SLC4A2: variants seen among roughly 807,000 people sequenced by gnomAD.
SLC4A2 encodes the protein anion exchange protein 2.
SLC4A2 carries 36 observed loss-of-function variants against 115.0 expected under a neutral mutation model. The observed-to-expected ratio is 0.31, with a 90% CI of 0.24 to 0.41. The LOEUF (loss-of-function observed/expected upper bound fraction) is 0.41. Ranked by LOEUF, SLC4A2 falls within the 10% of genes least tolerant of loss-of-function variation. The pLI, the probability that SLC4A2 is intolerant of heterozygous loss-of-function variation, is 1.00. For synonymous variants in SLC4A2, 708 were observed against 708.3 expected (o/e 1.00, Z 0.01); for missense variants, 1,252 against 1,705.6 (o/e 0.73, Z 4.68).
Position 151,071,553 on chromosome 7 carries a change from C to A in SLC4A2, c.2139C>A (p.Ile713=), listed in dbSNP as rs1030369314. ...ALDPQCLAAV[I]FIYFAALSPA... ...ACCCTCAGTGCCTGGCCGCAGTCAT[C>A]TTCATCTACTTTGCCGCCCTGTCTC... is the stretch of plus-strand genomic sequence containing the variant. Residue 713 remains isoleucine (I), a synonymous_variant, in exon 14 of 23, where the codon ATC becomes ATA. Coordinates refer to ENST00000413384, the MANE Select transcript of SLC4A2 (RefSeq NM_003040.4). The surrounding 1 kb of genome is among the most constrained non-coding windows in gnomAD (Gnocchi z 5.5). 6.2e-7 allele frequency: 1 copy of A among 1,614,062 alleles called. No homozygotes were observed. Among genetic ancestry groups the A allele is most frequent in the African/African-American group, 1.3e-5 (1 of 75,030 alleles).
At chr7:151,067,077 T>A (rs1380504774) in intron 7 of SLC4A2, 84 bp downstream of exon 7, 1 of 1,378,618 alleles carries the variant, frequency 7.3e-7, no homozygotes, top group Non-Finnish European at 9.9e-7. Flanking sequence ...ATCTCAAGCC[T>A]CAGGGTTGCC....
chr7:151,064,784 C>T lies in SLC4A2; in HGVS notation c.459+17C>T. ...TCGGTGCAGGTGCGCTGGGTGCGGG[C>T]TCCTAGGGCATGTCGGCAGGGCCCT... On this transcript the variant is annotated intron_variant, in intron 4 of 22. Transcript: ENST00000413384. 1 of 1,608,028 alleles carries T rather than the reference C, an allele frequency of 6.2e-7. No individual in the cohort carries two copies. The highest frequency in any genetic ancestry group is 8.5e-7 in the Non-Finnish European group (1 of 1,175,652).
intron 7 of SLC4A2, 111 bp from the exon 8 acceptor site, chr7:151,067,763 C>T (rs1413151129): frequency 2.4e-6 from 2 of 845,046 alleles, no homozygotes; most frequent in South Asian, 3.2e-5. Context: ...ACCCACTGTG[C>T]TCGTGCTCTC....
At position 151,070,877 on chromosome 7, in the gene SLC4A2, T is replaced by A. The variant is rs775644358; in HGVS notation, c.1715T>A (p.Ile572Asn). Reference sequence around the variant, plus strand: ...AGTGCCAACATGGACTACCACGAGATCGGCCGCTCCATCTCCACCCTCATG... The same window carrying A: ...AGTGCCAACATGGACTACCACGAGAACGGCCGCTCCATCTCCACCCTCATG... ...PSSANMDYHE[I>N]GRSISTLMSD... The change falls in exon 12 of 23, where the codon ATC becomes AAC. Residue 572 changes from isoleucine (I) to asparagine (N), a missense_variant. By Grantham distance (149) the Ile-to-Asn change is moderately radical. Coordinates refer to ENST00000413384, the MANE Select transcript of SLC4A2 (RefSeq NM_003040.4). The A allele has an allele frequency of 6.2e-7, 1 of 1,613,338 alleles. No homozygotes were observed. The highest frequency in any genetic ancestry group is 2.2e-5 in the East Asian group (1 of 44,862).
chr7:151,067,511 TGTG>T (rs1032064953), intron 7 of SLC4A2, among the ~76,000 whole-genome samples: 2 of 152,226 alleles, frequency 1.3e-5, no homozygotes, highest in Non-Finnish European at 2.9e-5. Context: ...ATTTGAGTAT[TGTG>T]GTTATAATTC....
chr7:151,061,838 A>G, intron 1 of SLC4A2, 87 bp from the exon 2 acceptor site: 2 of 668,886 alleles, frequency 3.0e-6, no homozygotes, highest in Non-Finnish European at 5.3e-6. Flanking sequence ...TTCATACTCC[A>G]GGAGGATCCC....
intron 2 of SLC4A2, among the ~76,000 whole-genome samples, chr7:151,063,973 C>T (rs941890964): frequency 2.6e-5 from 4 of 152,100 alleles, no homozygotes; most frequent in Admixed American, 6.5e-5. Context: ...CAGCAATCCA[C>T]CCACCTCAGC....
chr7:151,061,896 G>A (rs1363589257), intron 1 of SLC4A2, 29 bp from the exon 2 acceptor site: 2 of 1,224,666 alleles, frequency 1.6e-6, no homozygotes, highest in Non-Finnish European at 2.3e-6. Context: ...CAGGGCTCTC[G>A]ATGGTGATCA....
At position 151,071,006 on chromosome 7, in the gene SLC4A2, A is replaced by G; in HGVS notation, c.1750-66A>G. On this transcript the variant is annotated intron_variant, in intron 12 of 22. Transcript: ENST00000413384. The surrounding 1 kb of genome is among the most constrained non-coding windows in gnomAD (Gnocchi z 5.5). ...TGCCTCCCACCCACTGGCCTTGCCC[A>G]CCCTCAGCTCCAGGCCCTCAGCCCT... 6.3e-7 allele frequency: 1 copy of G among 1,589,354 alleles called. No individual in the cohort carries two copies. The highest frequency in any genetic ancestry group is 1.1e-5 in the South Asian group (1 of 89,352).
intron 5 of SLC4A2, 30 bp downstream of exon 5, chr7:151,064,996 A>C: frequency 7.4e-7 from 1 of 1,348,930 alleles, no homozygotes; most frequent in Non-Finnish European, 1.1e-6. Flanking sequence ...CAGTGTCCCC[A>C]ACAGACACTT....
At chr7:151,066,105 G>A (rs935854285) in intron 5 of SLC4A2, among the ~76,000 whole-genome samples, 2 of 152,174 alleles carry the variant, frequency 1.3e-5, no homozygotes, top group African/African-American at 4.8e-5. Flanking sequence ...TGTGCCAGGG[G>A]GTGAGGGGGC....
Position 151,067,874 on chromosome 7 carries a change from G to T in SLC4A2, c.967G>T (p.Val323Leu), listed in dbSNP as rs373221772. Residue 323 changes from valine (V) to leucine (L), a missense_variant and splice_region_variant, in exon 8 of 23, where the codon GTG becomes TTG. Around this residue, in one of 14 missense-constraint regions of SLC4A2, gnomAD observed 48 missense variants for 44.4 expected, o/e 1.08. Coordinates refer to ENST00000413384, the MANE Select transcript of SLC4A2 (RefSeq NM_003040.4). ...AAATGCCTTCTCTTCTCTCCCCAAGGTGTTTGTGGAGCTGAATGAGTTGCT... is the reference window on the plus strand; with the variant it reads ...AAATGCCTTCTCTTCTCTCCCCAAGTTGTTTGTGGAGCTGAATGAGTTGCT... Reference protein sequence around the residue: ...RPRAPHKPHEVFVELNELLLD... With the variant: ...RPRAPHKPHELFVELNELLLD... 3 of 1,612,022 alleles carry T rather than the reference G, an allele frequency of 1.9e-6. No individual in the cohort carries two copies. The highest frequency in any genetic ancestry group is 2.5e-6 in the Non-Finnish European group (3 of 1,179,336).
Position 151,072,154 on chromosome 7 carries a change from G to A in SLC4A2, c.2535+18G>A, listed in dbSNP as rs370730237. On this transcript the variant is annotated intron_variant, in intron 16 of 22. Transcript: ENST00000413384. ...TGGTGAAGGTGGGCAGGCCCCTGCC[G>A]AGAGCTGGGCCAGGAGGGCCGAGGT... 3.1e-5 allele frequency: 50 copies of A among 1,607,720 alleles called. 1 individual carries two copies. Among genetic ancestry groups the A allele is most frequent in the South Asian group, 2.7e-4 (25 of 90,922 alleles).
chr7:151,063,323 G>A, intron 2 of SLC4A2: 1 of 701,206 alleles, frequency 1.4e-6, no homozygotes, highest in South Asian at 2.3e-5. Flanking sequence ...GGCTGGGTTT[G>A]TTTGACTCGG....
chr7:151,068,286 T>A (rs1263527944), intron 8 of SLC4A2, among the ~76,000 whole-genome samples: 1 of 152,212 alleles, frequency 6.6e-6, no homozygotes, highest in African/African-American at 2.4e-5. Context: ...TATTTAGATG[T>A]AAAGCTTTCT....
intron 16 of SLC4A2, 36 bp downstream of exon 16, chr7:151,072,172 G>A (rs757159292): frequency 6.3e-7 from 1 of 1,587,200 alleles, no homozygotes; most frequent in Admixed American, 1.7e-5. Context: ...GGCCAGGAGG[G>A]CCGAGGTCTC....
chr7:151,073,564 C>T (rs1469247062), intron 16 of SLC4A2, among the ~76,000 whole-genome samples: 1 of 152,098 alleles, frequency 6.6e-6, no homozygotes, highest in African/African-American at 2.4e-5. Context: ...CCACTGTACC[C>T]GGCCTGTTTT....
At chr7:151,062,564 C>T in intron 2 of SLC4A2, 1 of 1,451,134 alleles carries the variant, frequency 6.9e-7, no homozygotes, top group Non-Finnish European at 9.0e-7. Flanking sequence ...GTCACACTGG[C>T]CCAGAGGGGC....
intron 2 of SLC4A2, among the ~76,000 whole-genome samples, chr7:151,062,344 C>G (rs1022147374): frequency 2.6e-5 from 4 of 152,180 alleles, no homozygotes; most frequent in Non-Finnish European, 4.4e-5. Context: ...GTCTCAGACC[C>G]GGCTGGCCTT....
Sources: gnomAD v4.1 joint callset for allele counts (sites outside exome capture counted in the v4.1 genomes callset) on GRCh38, gnomAD v4.1.1 for gene constraint, gnomAD v4.1.1 regional missense constraint, Gnocchi (gnomAD v3.1) non-coding constraint, MANE v1.5 for transcripts, NCBI Gene and HGNC (gene_info 2026-07-23, HGNC 2026-07-21) for gene names.